Variants in C11orf58 observed in about 807,000 individuals in gnomAD.
C11orf58 encodes the protein chromosome 11 open reading frame 58.
Under a neutral mutation model 22.7 loss-of-function variants are expected in C11orf58, and 5 were observed. The observed-to-expected ratio is 0.22, with a 90% CI of 0.12 to 0.46. The LOEUF (loss-of-function observed/expected upper bound fraction) is 0.46. Among genes scored for constraint, C11orf58 ranks in the 20% least tolerant of loss-of-function variants. The pLI is 0.99. For synonymous variants in C11orf58, 71 were observed against 70.7 expected, an observed-to-expected ratio of 1.00 and a Z score of -0.02; for missense variants, 151 against 223.3, an observed-to-expected ratio of 0.68 and a Z score of 2.06.
At chr11:16,744,886 G>A (rs1255240740) in intron 2 of C11orf58, among the ~76,000 whole-genome samples, 6 of 152,134 alleles carry the variant, frequency 3.9e-5, no homozygotes, top group African/African-American at 7.2e-5. Context: ...TTCTCTGTCC[G>A]TATAGTTTGA....
chr11:16,745,340 T>C (rs1848479652), intron 2 of C11orf58, among the ~76,000 whole-genome samples: 1 of 152,186 alleles, frequency 6.6e-6, no homozygotes, highest in Non-Finnish European at 1.5e-5. Flanking sequence ...CAGTCAGAAG[T>C]TTGCATATAA....
chr11:16,740,441 C>A lies in C11orf58; in HGVS notation c.63+1600C>A, dbSNP rs147903939. Among the ~76,000 whole-genome samples, 26 of 152,186 alleles carry A rather than the reference C, an allele frequency of 1.7e-4. No individual in the cohort carries two copies. In the East Asian group the frequency reaches 4.7e-3, roughly 27 times the overall value. On this transcript the variant is annotated intron_variant, in intron 1 of 4. Coordinates refer to ENST00000228136, the MANE Select transcript of C11orf58 (RefSeq NM_014267.6). ...CAGGTGAGACAGGGTCTCTGTCGCC[C>A]AGGCTGGAGTGCAGTGGCACGATCG... is the stretch of plus-strand genomic sequence containing the variant.
At chr11:16,744,213 C>CA (rs1173034730) in intron 1 of C11orf58, 1 of 180,278 alleles carries the variant, frequency 5.5e-6, no homozygotes, top group African/African-American at 2.4e-5. Flanking sequence ...CAGTGGGTCT[C>CA]AAAGTGTGGT....
At chr11:16,748,587 A>AAG (rs1313282242) in intron 3 of C11orf58, 1 of 152,146 alleles carries the variant, frequency 6.6e-6, no homozygotes, top group African/African-American at 2.4e-5. Context: ...AAAAAAAAAA[A>AAG]AAAAAAAATT....
intron 3 of C11orf58, chr11:16,750,186 A>T (rs1272719475): frequency 1.3e-5 from 2 of 152,242 alleles, no homozygotes; most frequent in Admixed American, 6.5e-5. Flanking sequence ...GCAATAGGTG[A>T]TTCACATTCT....
chr11:16,741,134 G>A (rs1848445211), intron 1 of C11orf58, among the ~76,000 whole-genome samples: 1 of 151,626 alleles, frequency 6.6e-6, no homozygotes, highest in South Asian at 2.1e-4. Context: ...ATATATAGTT[G>A]GGAAACAGTT....
rs1175845804 is a variant in C11orf58 at position 16,757,348 on chromosome 11, G to GA, written c.*2247dup. ...TTGATATGGTCTTGTTTCTGATAAG[G>GA]AAATAGGAGCAACTTGTTTTAAAAT... On this transcript the variant is annotated 3_prime_UTR_variant, in exon 5 of 5. Coordinates refer to ENST00000228136, the MANE Select transcript of C11orf58 (RefSeq NM_014267.6). Among the ~76,000 whole-genome samples the GA allele has an allele frequency of 6.6e-6, 1 of 152,154 alleles. No individual in the cohort carries two copies. Among genetic ancestry groups the GA allele is most frequent in the Non-Finnish European group, 1.5e-5 (1 of 68,016 alleles).
chr11:16,738,858 G>T lies in C11orf58; in HGVS notation c.63+17G>T. 6.2e-7 allele frequency: 1 copy of T among 1,613,970 alleles called. No homozygotes were observed. The highest frequency in any genetic ancestry group is 1.1e-5 in the South Asian group (1 of 91,078). On this transcript the variant is annotated intron_variant, in intron 1 of 4. Transcript: ENST00000228136. ...GACGACGATGTAAATAATAATGGCG[G>T]AGTGGCTGAGGGTTGAGGCCTACTA... is the stretch of plus-strand genomic sequence containing the variant.
At chr11:16,751,594 C>A (rs1848533704) in intron 3 of C11orf58, 1 of 152,002 alleles carries the variant, frequency 6.6e-6, no homozygotes, top group Admixed American at 6.6e-5. Flanking sequence ...GATAGAGTGG[C>A]TGCATTCAAA....
Position 16,755,150 on chromosome 11 carries a change from C to A in C11orf58, c.*46C>A, listed in dbSNP as rs1275120155. The A allele has an allele frequency of 6.3e-7, 1 of 1,595,028 alleles. No homozygotes were observed. The highest frequency in any genetic ancestry group is 1.7e-5 in the Admixed American group (1 of 58,906). On this transcript the variant is annotated 3_prime_UTR_variant, in exon 5 of 5. Coordinates refer to ENST00000228136, the MANE Select transcript of C11orf58 (RefSeq NM_014267.6). ...GTATTAAAAGTAAGCCTTATTGTTA[C>A]AATGCACAGTGGAGGACTGCTTATA...
At chr11:16,744,836 A>G in intron 2 of C11orf58, 152 bp downstream of exon 2, 1 of 659,744 alleles carries the variant, frequency 1.5e-6, no homozygotes, top group African/African-American at 1.8e-5. Context: ...GGCCTAACCA[A>G]GCACATAAAA....
At chr11:16,749,683 A>AT in intron 3 of C11orf58, 1 of 152,330 alleles carries the variant, frequency 6.6e-6, no homozygotes, top group South Asian at 2.1e-4. Context: ...CAAGCCAGGG[A>AT]TCTAGGTTGT....
In C11orf58 at chr11:16,755,023, T is replaced by A. The variant is rs1234730529; in HGVS notation, c.471T>A (p.Pro157=). 6.2e-7 allele frequency: 1 copy of A among 1,614,100 alleles called. No homozygotes were observed. Among genetic ancestry groups the A allele is most frequent in the South Asian group, 1.1e-5 (1 of 91,064 alleles). The change falls in exon 5 of 5, where the codon CCT becomes CCA. Residue 157 remains proline (P), a synonymous_variant. Coordinates refer to ENST00000228136, the MANE Select transcript of C11orf58 (RefSeq NM_014267.6). The part of the protein sequence containing the change: ...SAEELQAAEH[P]DEVEDPKNKK... ...AAGAACTCCAAGCTGCTGAGCACCC[T>A]GATGAAGTGGAGGATCCCAAAAACA...
intron 1 of C11orf58, chr11:16,739,556 A>G (rs1219216257): frequency 6.6e-6 from 1 of 152,232 alleles, no homozygotes; most frequent in Non-Finnish European, 1.5e-5. Flanking sequence ...TTAAATATTT[A>G]CTGCACTGCC....
chr11:16,748,285 G>A (rs1848503567), intron 3 of C11orf58, 128 bp downstream of exon 3: 2 of 752,574 alleles, frequency 2.7e-6, no homozygotes, highest in Non-Finnish European at 4.3e-6. Context: ...ATTAGAGCTG[G>A]GTGCAGTGGC....
intron 1 of C11orf58, among the ~76,000 whole-genome samples, chr11:16,741,422 CTA>C (rs1848447669): frequency 6.6e-6 from 1 of 152,136 alleles, no homozygotes; most frequent in South Asian, 2.1e-4. Flanking sequence ...GAAATGAAAG[CTA>C]TCTTATAGGA....
At chr11:16,744,878 CTCTG>C (rs1435340634) in intron 2 of C11orf58, among the ~76,000 whole-genome samples, 194 bp downstream of exon 2, 7 of 152,146 alleles carry the variant, frequency 4.6e-5, no homozygotes, top group Non-Finnish European at 1.0e-4. Flanking sequence ...TTCTAGGATT[CTCTG>C]TCCGTATAGT....
At chr11:16,745,442 G>C (rs1303583489) in intron 2 of C11orf58, among the ~76,000 whole-genome samples, 1 of 152,138 alleles carries the variant, frequency 6.6e-6, no homozygotes, top group African/African-American at 2.4e-5. Flanking sequence ...CATATTTTGG[G>C]TGTTAAATGT....
At chr11:16,743,030 G>C (rs1035032478) in intron 1 of C11orf58, among the ~76,000 whole-genome samples, 1 of 152,068 alleles carries the variant, frequency 6.6e-6, no homozygotes, top group Admixed American at 6.5e-5. Flanking sequence ...ACCTGTCTCG[G>C]ATTTGCATCA....
Sources: allele counts gnomAD v4.1 joint callset (sites outside exome capture counted in the v4.1 genomes callset), GRCh38; gene constraint gnomAD v4.1.1; transcripts MANE v1.5; gene names NCBI Gene and HGNC (gene_info 2026-07-23, HGNC 2026-07-21).